Variants in TMEM266 observed in about 807,000 individuals in gnomAD.
The protein encoded by TMEM266 is transmembrane protein 266.
Under a neutral mutation model 50.5 loss-of-function variants are expected in TMEM266, and 33 were observed. The observed-to-expected ratio is 0.65, with a 90% CI of 0.50 to 0.87. TMEM266 has a LOEUF of 0.87. Among genes scored for constraint, TMEM266 ranks in the 40% least tolerant of loss-of-function variants. TMEM266 has a pLI of 0.00. For synonymous variants in TMEM266, 310 were observed against 292.3 expected (o/e 1.06, Z -0.62); for missense variants, 655 against 695.1 (o/e 0.94, Z 0.65).
chr15:76,200,077 C>G (rs928197862), intron 9 of TMEM266, among the ~76,000 whole-genome samples: 20 of 152,168 alleles, frequency 1.3e-4, no homozygotes, highest in African/African-American at 4.6e-4. Context: ...CCCGACTGTG[C>G]TCCCCGCAGA....
At chr15:76,162,228 G>A (rs1031270024) in intron 5 of TMEM266, among the ~76,000 whole-genome samples, 2 of 152,182 alleles carry the variant, frequency 1.3e-5, no homozygotes, top group African/African-American at 4.8e-5. Context: ...GAGCCAGGCC[G>A]CCGGTAGCAG....
intron 3 of TMEM266, among the ~76,000 whole-genome samples, chr15:76,141,236 CTTT>C (rs34149031): frequency 2.2e-5 from 3 of 137,894 alleles, no homozygotes; most frequent in African/African-American, 2.7e-5. Context: ...TCTCAGTATA[CTTT>C]TTTTTTTTTT....
At chr15:76,147,934 A>G (rs1355717765) in intron 3 of TMEM266, among the ~76,000 whole-genome samples, 1 of 152,238 alleles carries the variant, frequency 6.6e-6, no homozygotes, top group Non-Finnish European at 1.5e-5. Context: ...GCACCAGTGC[A>G]CTCCAGCCTG....
At position 76,160,142 on chromosome 15, in the gene TMEM266, G is replaced by C. The variant is rs1300459257; in HGVS notation, c.430G>C (p.Val144Leu). ...TGGCGTGATTCACTGGATCAGCCTG[G>C]TCATTCTGTCCGTGTTCTTCTCAGA... The change falls in exon 5 of 11, where the codon GTC becomes CTC. Residue 144 changes from valine to leucine, a missense_variant. Physicochemically the swap from Val to Leu is conservative, Grantham distance 32. Transcript: ENST00000388942. The surrounding 1 kb of genome is among the most constrained non-coding windows in gnomAD (Gnocchi z 5.7). 3.7e-6 allele frequency: 6 copies of C among 1,614,056 alleles called. No individual in the cohort carries two copies. In the African/African-American group the frequency reaches 8.0e-5, roughly 22 times the overall value.
chr15:76,202,634 T>C (rs1318161620), intron 10 of TMEM266, among the ~76,000 whole-genome samples: 1 of 152,166 alleles, frequency 6.6e-6, no homozygotes, highest in African/African-American at 2.4e-5. Context: ...CACCCCTGGG[T>C]GTGAGAAGCA....
rs571393057 is a variant in TMEM266 at position 76,188,464 on chromosome 15, G to A, written c.769-3504G>A. Among the ~76,000 whole-genome samples, 10 of 152,258 alleles carry A rather than the reference G, an allele frequency of 6.6e-5. No homozygotes were observed. The South Asian group carries it at 1.0e-3, about 16-fold the overall frequency. On this transcript the variant is annotated intron_variant, in intron 8 of 10. Transcript: ENST00000388942. Reference sequence around the variant, plus strand: ...CTAAAAATACAAAAATTAGCTGGGCGTGGTGGCACATGCCTGTAGTCCCAG... The same window carrying A: ...CTAAAAATACAAAAATTAGCTGGGCATGGTGGCACATGCCTGTAGTCCCAG...
intron 1 of TMEM266, among the ~76,000 whole-genome samples, chr15:76,101,000 T>C (rs572724337): frequency 7.0e-6 from 1 of 143,116 alleles, no homozygotes; most frequent in East Asian, 2.1e-4. Context: ...CTTACCTTGG[T>C]TTTTTTTTTT....
intron 3 of TMEM266, among the ~76,000 whole-genome samples, chr15:76,154,776 A>G (rs2037899367): frequency 6.6e-6 from 1 of 152,212 alleles, no homozygotes; most frequent in African/African-American, 2.4e-5. Context: ...GAAAATATTC[A>G]GAATGATGTG....
chr15:76,195,646 C>T (rs1408597561), intron 9 of TMEM266, among the ~76,000 whole-genome samples: 1 of 152,244 alleles, frequency 6.6e-6, no homozygotes, highest in East Asian at 1.9e-4. Context: ...CCTCAACTCA[C>T]CTGGGGCTTG....
At chr15:76,068,798 A>G (rs544936445) in intron 1 of TMEM266, among the ~76,000 whole-genome samples, 1 of 152,212 alleles carries the variant, frequency 6.6e-6, no homozygotes, top group Non-Finnish European at 1.5e-5. Flanking sequence ...CACCCAATCT[A>G]TGATATTCTG....
chr15:76,086,272 A>G (rs2036775960), intron 1 of TMEM266, among the ~76,000 whole-genome samples: 1 of 152,208 alleles, frequency 6.6e-6, no homozygotes. Context: ...CAGGCACAGA[A>G]TAATCCATGC....
At chr15:76,119,413 G>C (rs28731770) in intron 1 of TMEM266, among the ~76,000 whole-genome samples, 1 of 128,636 alleles carries the variant, frequency 7.8e-6, no homozygotes, top group Admixed American at 7.7e-5. Context: ...AAAAAAAAAA[G>C]AAAAGAAAAG....
intron 1 of TMEM266, among the ~76,000 whole-genome samples, chr15:76,124,987 A>T (rs189256435): frequency 6.6e-6 from 1 of 152,338 alleles, no homozygotes; most frequent in East Asian, 1.9e-4. Flanking sequence ...GTCCTGGCAT[A>T]AAAACAGGCT....
intron 1 of TMEM266, among the ~76,000 whole-genome samples, chr15:76,128,442 A>T (rs2037457182): frequency 6.6e-6 from 1 of 152,190 alleles, no homozygotes; most frequent in Non-Finnish European, 1.5e-5. Context: ...AGTGGAAGAG[A>T]CTGGAATTTG....
rs2037874611 is a variant in TMEM266 at position 76,153,491 on chromosome 15, A to G, written c.228-3113A>G. Among the ~76,000 whole-genome samples, 1 of 152,220 alleles carries G rather than the reference A, an allele frequency of 6.6e-6. No homozygotes were observed. Among genetic ancestry groups the G allele is most frequent in the Non-Finnish European group, 1.5e-5 (1 of 68,038 alleles). ...TTGGCTCAGATTTCAAATGACAATG[A>G]CATGCCATCAGTTTTAGGGGCCGCA... On this transcript the variant is annotated intron_variant, in intron 3 of 10. Coordinates refer to ENST00000388942, the MANE Select transcript of TMEM266 (RefSeq NM_152335.3). The surrounding 1 kb of genome is among the most constrained non-coding windows in gnomAD (Gnocchi z 4.2).
rs1486216365 is a variant in TMEM266 at position 76,137,769 on chromosome 15, C to T, written c.101C>T (p.Thr34Ile). 1.9e-6 allele frequency: 3 copies of T among 1,614,220 alleles called. No homozygotes were observed. The highest frequency in any genetic ancestry group is 2.2e-5 in the South Asian group (2 of 91,080). Residue 34 changes from threonine (T) to isoleucine (I), a missense_variant, in exon 3 of 11, where the codon ACC (threonine) becomes ATC (isoleucine). Around this residue, in one of 3 missense-constraint regions of TMEM266, gnomAD observed 99 missense variants for 110.8 expected, o/e 0.89. Transcript: ENST00000388942. ...ATCTCCCAACAAGTAGACGAAGAAA[C>T]CAAGAGCATTGCTCCTGTGCAGCTG...
chr15:76,154,419 C>G (rs1232343298), intron 3 of TMEM266, among the ~76,000 whole-genome samples: 1 of 152,130 alleles, frequency 6.6e-6, no homozygotes. Flanking sequence ...CTGCAATGGA[C>G]TTCGAAATCC....
At chr15:76,061,094 C>G (rs1037076654) in intron 1 of TMEM266, among the ~76,000 whole-genome samples, 1 of 152,124 alleles carries the variant, frequency 6.6e-6, no homozygotes, top group Non-Finnish European at 1.5e-5. Context: ...TATATAACTG[C>G]TTACCTCCTC....
chr15:76,129,099 A>G (rs895912778), intron 1 of TMEM266, among the ~76,000 whole-genome samples: 1 of 152,244 alleles, frequency 6.6e-6, no homozygotes, highest in African/African-American at 2.4e-5. Context: ...AAGCTGACCA[A>G]TGAAAAAGGG....
Sources: allele counts gnomAD v4.1 joint callset (sites outside exome capture counted in the v4.1 genomes callset), GRCh38; gene constraint gnomAD v4.1.1; regional missense constraint gnomAD v4.1.1; non-coding constraint Gnocchi (gnomAD v3.1); transcripts MANE v1.5; gene names NCBI Gene and HGNC (gene_info 2026-07-23, HGNC 2026-07-21).